The following CDK14 variants were observed in gnomAD, a reference collection of about 807,000 sequenced individuals.
The protein encoded by CDK14 is cyclin dependent kinase 14.
Under a neutral mutation model 60.7 loss-of-function variants are expected in CDK14, and 34 were observed. The observed-to-expected ratio is 0.56, with a 90% CI of 0.43 to 0.75. The LOEUF (loss-of-function observed/expected upper bound fraction) is 0.75. Ranked by LOEUF, CDK14 falls within the 30% of genes least tolerant of loss-of-function variation. The pLI is 0.00. For missense variants in CDK14, 482 were observed against 564.1 expected (o/e 0.85, Z 1.47); for synonymous variants, 197 against 203.7 (o/e 0.97, Z 0.28).
chr7:91,025,941 G>A (rs1796558306), intron 10 of CDK14, among the ~76,000 whole-genome samples: 1 of 152,032 alleles, frequency 6.6e-6, no homozygotes, highest in African/African-American at 2.4e-5. Flanking sequence ...TGTGCTGTAA[G>A]CCTATTTTAT....
At chr7:91,087,459 C>T (rs1369467404) in intron 12 of CDK14, among the ~76,000 whole-genome samples, 1 of 152,120 alleles carries the variant, frequency 6.6e-6, no homozygotes, top group Non-Finnish European at 1.5e-5. Flanking sequence ...CCAGGTTCAT[C>T]CCTAGTTCCA....
intron 2 of CDK14, among the ~76,000 whole-genome samples, chr7:90,721,183 C>T (rs1250397168): frequency 6.6e-6 from 1 of 152,138 alleles, no homozygotes; most frequent in Non-Finnish European, 1.5e-5. Context: ...GCTTTTCTTT[C>T]TACACTCATG....
At chr7:90,632,747 C>T (rs190803456) in intron 2 of CDK14, among the ~76,000 whole-genome samples, 48 of 152,132 alleles carry the variant, frequency 3.2e-4, no homozygotes, top group Non-Finnish European at 6.3e-4. Context: ...TATTTTCTTT[C>T]CAGTAGTTGG....
chr7:91,070,892 A>G (rs979164407), intron 11 of CDK14, among the ~76,000 whole-genome samples: 1 of 152,200 alleles, frequency 6.6e-6, no homozygotes, highest in African/African-American at 2.4e-5. Context: ...TCTAATTAAA[A>G]CACTATGATA....
intron 4 of CDK14, among the ~76,000 whole-genome samples, chr7:90,760,059 A>G (rs1353564054): frequency 2.6e-5 from 4 of 152,204 alleles, no homozygotes; most frequent in African/African-American, 4.8e-5. Flanking sequence ...GAAAGTGCCA[A>G]TCTTCTTTTA....
In CDK14 at chr7:91,105,534, C is replaced by A. The variant is rs561911663; in HGVS notation, c.1155-7008C>A. Among the ~76,000 whole-genome samples the A allele has an allele frequency of 7.2e-5, 11 of 152,312 alleles. No homozygotes were observed. The East Asian group carries it at 2.1e-3, about 29-fold the overall frequency. On this transcript the variant is annotated intron_variant, in intron 12 of 14. Transcript: ENST00000380050. ...ACCAACAGCAAGAACTTGGAGTACCCATGTATTGGGAGAGCCTCAGGCCTT... is the reference window on the plus strand; with the variant it reads ...ACCAACAGCAAGAACTTGGAGTACCAATGTATTGGGAGAGCCTCAGGCCTT...
intron 5 of CDK14, among the ~76,000 whole-genome samples, chr7:90,805,274 CAGTT>C (rs1205121757): frequency 1.3e-5 from 2 of 152,018 alleles, no homozygotes; most frequent in African/African-American, 4.8e-5. Flanking sequence ...TCTTAAAGTT[CAGTT>C]TGACATCTCA....
In CDK14 at chr7:90,604,236, C is replaced by T. The variant is rs1249633992; in HGVS notation, c.110C>T (p.Thr37Ile). Residue 37 changes from threonine to isoleucine, a missense_variant, in exon 2 of 15, where the codon ACC (threonine) becomes ATC (isoleucine). By Grantham distance (89) the Thr-to-Ile change is moderately conservative. Transcript: ENST00000380050. ...FSRIALKKDDTTFDEICVTKM... is the reference protein window; with the variant it reads ...FSRIALKKDDITFDEICVTKM... ...TTTATAGCTTTGAAGAAAGATGACA[C>T]CACCTTTGATGAGGTAGGTTAAATT... The T allele has an allele frequency of 1.3e-6, 2 of 1,541,014 alleles. No individual in the cohort carries two copies. Among genetic ancestry groups the T allele is most frequent in the Admixed American group, 3.9e-5 (2 of 51,364 alleles).
At chr7:90,916,043 TG>T (rs1177502610) in intron 7 of CDK14, among the ~76,000 whole-genome samples, 1 of 152,240 alleles carries the variant, frequency 6.6e-6, no homozygotes, top group African/African-American at 2.4e-5. Context: ...GTTTGTTATG[TG>T]GTTTGCCTTC....
At chr7:90,696,326 A>T (rs1040325850) in intron 2 of CDK14, among the ~76,000 whole-genome samples, 5 of 88,290 alleles carry the variant, frequency 5.7e-5, no homozygotes, top group African/African-American at 2.3e-4. Flanking sequence ...TTGGTTTTGT[A>T]CTTCTTCTTC....
chr7:90,808,859 A>T (rs952823836), intron 5 of CDK14, among the ~76,000 whole-genome samples: 1 of 152,342 alleles, frequency 6.6e-6, no homozygotes, highest in Admixed American at 6.5e-5. Context: ...AAAGATCAAA[A>T]GAGACAAAGA....
chr7:90,988,992 T>TTG lies in CDK14; in HGVS notation c.1041+4758_1041+4759dup, dbSNP rs879424238. ...TATGCCATTCAGAATTTGAGTGTGT[T>TTG]TGTGTGTGAGTGTGTGTGTGTGTGT... is the stretch of plus-strand genomic sequence containing the variant. On this transcript the variant is annotated intron_variant, in intron 10 of 14. Coordinates refer to ENST00000380050, the MANE Select transcript of CDK14 (RefSeq NM_001287135.2). 7.9e-3 allele frequency among the ~76,000 whole-genome samples: 581 copies of TTG among 73,260 alleles called. 1 individual carries two copies. The highest frequency in any genetic ancestry group is 0.011 in the Admixed American group (61 of 5,430). 48.1% of individuals were successfully genotyped at this position (73,260 alleles called of 152,430 possible).
chr7:90,662,766 A>G (rs1401735433), intron 2 of CDK14, among the ~76,000 whole-genome samples: 1 of 152,208 alleles, frequency 6.6e-6, no homozygotes, highest in Non-Finnish European at 1.5e-5. Context: ...AAGAGAGGAA[A>G]TATTTGTAGA....
chr7:90,787,554 T>C (rs1229787916), intron 4 of CDK14, among the ~76,000 whole-genome samples: 8 of 152,218 alleles, frequency 5.3e-5, no homozygotes, highest in Admixed American at 2.0e-4. Context: ...AGGAAAATGT[T>C]AGTATACTAT....
intron 11 of CDK14, among the ~76,000 whole-genome samples, chr7:91,069,598 A>G (rs1798078579): frequency 6.6e-6 from 1 of 152,192 alleles, no homozygotes; most frequent in East Asian, 1.9e-4. Context: ...AACCATTATT[A>G]AGCAGAATTA....
intron 14 of CDK14, among the ~76,000 whole-genome samples, chr7:91,122,393 T>G (rs1276981296): frequency 1.3e-5 from 2 of 152,150 alleles, no homozygotes; most frequent in East Asian, 3.8e-4. Context: ...TTAAATGAGA[T>G]AAAGATTTTT....
At chr7:91,002,177 C>G (rs896565981) in intron 10 of CDK14, among the ~76,000 whole-genome samples, 2 of 152,020 alleles carry the variant, frequency 1.3e-5, no homozygotes, top group African/African-American at 4.8e-5. Flanking sequence ...CCAATAATGC[C>G]AAATTTCCCC....
intron 2 of CDK14, among the ~76,000 whole-genome samples, chr7:90,701,814 C>T (rs751755463): frequency 3.3e-5 from 5 of 152,184 alleles, no homozygotes; most frequent in Non-Finnish European, 5.9e-5. Context: ...GAGCTAGCAC[C>T]TCAGCGGGTG....
intron 10 of CDK14, among the ~76,000 whole-genome samples, chr7:91,003,329 A>G (rs937776600): frequency 2.0e-5 from 3 of 152,100 alleles, no homozygotes; most frequent in African/African-American, 7.2e-5. Context: ...TCACCTGGTC[A>G]CTGTCGCAGT....
Sources: allele counts gnomAD v4.1 joint callset (sites outside exome capture counted in the v4.1 genomes callset), GRCh38; gene constraint gnomAD v4.1.1; transcripts MANE v1.5; gene names NCBI Gene and HGNC (gene_info 2026-07-23, HGNC 2026-07-21).